Variants in UGT2B17 observed in about 807,000 individuals in gnomAD.
UGT2B17 encodes the protein UDP glucuronosyltransferase family 2 member B17.
In UGT2B17, 21 loss-of-function variants were observed where a neutral mutation model predicts 48.2. That is an observed-to-expected ratio of 0.44 (90% confidence interval 0.31 to 0.63). UGT2B17 has a LOEUF of 0.63. UGT2B17 is among the 20% of genes least tolerant of loss of function. UGT2B17 has a pLI of 0.08. For synonymous variants in UGT2B17, 146 were observed against 238.4 expected, an observed-to-expected ratio of 0.61 and a Z score of 3.57; for missense variants, 402 against 696.1, an observed-to-expected ratio of 0.58 and a Z score of 4.75.
rs1730671291 is a variant in UGT2B17 at position 68,542,159 on chromosome 4, T to C, written c.1314-4255A>G. On this transcript the variant is annotated intron_variant, in intron 6 of 6. Coordinates refer to ENST00000317746, the MANE Select transcript of UGT2B17 (RefSeq NM_001077.4). Reference sequence around the variant, plus strand: ...CCTAATTGCTTGTTTTTGTCAGGTTTGTCAAAGATCAGATGGTTGTAGATG... The same window carrying C: ...CCTAATTGCTTGTTTTTGTCAGGTTCGTCAAAGATCAGATGGTTGTAGATG... Among the ~76,000 whole-genome samples, 3 of 126,714 alleles carry C rather than the reference T, an allele frequency of 2.4e-5. 1 individual carries two copies. The Admixed American group carries it at 2.4e-4, about 10-fold the overall frequency. The allele number at this position is 126,714 out of a possible 152,430, so 83.1% of individuals were successfully genotyped here. A position where few individuals can be genotyped will look rare whatever the true frequency, so the allele number is the denominator to read the frequency against.
At position 68,575,992 on chromosome 4, in the gene UGT2B17, G is replaced by A. The variant is rs1284801550; in HGVS notation, c.-106C>T. ...AGACTCCAAGTGCCAGTTCCTTCCC[G>A]GTGTTCAGCCACTGTGTTAATCCTC... On this transcript the variant is annotated 5_prime_UTR_variant, in exon 1 of 7. Transcript: ENST00000317746. Among the ~76,000 whole-genome samples, 9 of 126,424 alleles carry A rather than the reference G, an allele frequency of 7.1e-5. 4 individuals are homozygous for A. The South Asian group carries it at 2.9e-3, about 40-fold the overall frequency. The allele number at this position is 126,424 out of a possible 152,430, so 82.9% of individuals were successfully genotyped here.
At chr4:68,550,434 A>G (rs1211991326) in intron 6 of UGT2B17, among the ~76,000 whole-genome samples, 1 of 125,608 alleles carries the variant, frequency 8.0e-6, no homozygotes, top group Non-Finnish European at 1.7e-5. Context: ...TAAAATAATT[A>G]TGTACATATC....
chr4:68,557,273 C>A (rs765396229), intron 4 of UGT2B17, among the ~76,000 whole-genome samples: 2 of 125,070 alleles, frequency 1.6e-5, no homozygotes, highest in Non-Finnish European at 3.4e-5. Context: ...CAATTGTTGT[C>A]TGACTTTGGT....
rs765607936 is a variant in UGT2B17 at position 68,553,424 on chromosome 4, T to A, written c.1006-1513A>T. Among the ~76,000 whole-genome samples the A allele has an allele frequency of 1.6e-4, 20 of 127,054 alleles. 4 individuals are homozygous for A. The highest frequency in any genetic ancestry group is 7.8e-3 in the Middle Eastern group (2 of 256). 83.4% of individuals were successfully genotyped at this position (127,054 alleles called of 152,430 possible). ...CCAAAAATCTAGAGAAGGCTTCTAATGATTTGAACTCTTTTAAAGAATTCA... is the reference window on the plus strand; with the variant it reads ...CCAAAAATCTAGAGAAGGCTTCTAAAGATTTGAACTCTTTTAAAGAATTCA... On this transcript the variant is annotated intron_variant, in intron 4 of 6. Transcript: ENST00000317746.
chr4:68,564,289 TATA>T, intron 3 of UGT2B17, among the ~76,000 whole-genome samples: 1 of 90,110 alleles, frequency 1.1e-5, no homozygotes, highest in African/African-American at 6.1e-5. Flanking sequence ...TATATATATA[TATA>T]TATTTTTTTT....
At position 68,541,749 on chromosome 4, in the gene UGT2B17, G is replaced by C. The variant is rs1328487900; in HGVS notation, c.1314-3845C>G. Among the ~76,000 whole-genome samples, 10 of 126,530 alleles carry C rather than the reference G, an allele frequency of 7.9e-5. 2 individuals carry two copies. The highest frequency in any genetic ancestry group is 3.2e-4 in the Admixed American group (4 of 12,370). The allele number at this position is 126,530 out of a possible 152,430, so 83.0% of individuals were successfully genotyped here. On this transcript the variant is annotated intron_variant, in intron 6 of 6. Transcript: ENST00000317746. ...CTATGTCCTGAATGATGTTGCTTAG[G>C]TTTTCTTCCAGGGTTTTTATGGTTT...
At chr4:68,553,048 T>C (rs1730944076) in intron 4 of UGT2B17, among the ~76,000 whole-genome samples, 1 of 125,430 alleles carries the variant, frequency 8.0e-6, no homozygotes, top group Non-Finnish European at 1.7e-5. Context: ...ATTGGGGTTT[T>C]GTCTTGGTTA....
rs113980992 is a variant in UGT2B17, at chr4:68,568,032, T to C, written c.453A>G (p.Ala151=). 1 of 1,382,862 alleles carries C rather than the reference T, an allele frequency of 7.2e-7. No individual in the cohort carries two copies. The highest frequency in any genetic ancestry group is 9.5e-7 in the Non-Finnish European group (1 of 1,055,578). The allele number at this position is 1,382,862 out of a possible 1,614,324, so 85.7% of individuals were successfully genotyped here. The change falls in exon 2 of 7, where the codon GCA becomes GCG. Residue 151 remains alanine, a synonymous_variant. Coordinates refer to ENST00000317746, the MANE Select transcript of UGT2B17 (RefSeq NM_001077.4). ...GCTCACCACAGGGATTAACGGCATCTGCCAGAAGGACATCAAATTTTGACT... is the reference window on the plus strand; with the variant it reads ...GCTCACCACAGGGATTAACGGCATCCGCCAGAAGGACATCAAATTTTGACT... The part of the protein sequence containing the change: ...LQESKFDVLL[A]DAVNPCGELL...
At position 68,543,563 on chromosome 4, in the gene UGT2B17, A is replaced by G. The variant is rs1424917214; in HGVS notation, c.1314-5659T>C. On this transcript the variant is annotated intron_variant, in intron 6 of 6. Transcript: ENST00000317746. ...AAAGAAATGCAGCTCCTCACCAGCAATGGAACAAAGCTGGATGGAGAATGA... is the reference window on the plus strand; with the variant it reads ...AAAGAAATGCAGCTCCTCACCAGCAGTGGAACAAAGCTGGATGGAGAATGA... 6.3e-5 allele frequency among the ~76,000 whole-genome samples: 8 copies of G among 126,312 alleles called. 1 individual carries two copies. Among genetic ancestry groups the G allele is most frequent in the African/African-American group, 2.2e-4 (8 of 36,944 alleles). 82.9% of individuals were successfully genotyped at this position (126,312 alleles called of 152,430 possible). A position where few individuals can be genotyped will look rare whatever the true frequency, so the allele number is the denominator to read the frequency against.
In UGT2B17 at chr4:68,561,421, G is replaced by A. The variant is rs1731100966; in HGVS notation, c.874-753C>T. ...ATAATACAGTATTATATACTATTTA[G>A]TTACATAATTAAGTGATCTTATTTC... On this transcript the variant is annotated intron_variant, in intron 3 of 6. Coordinates refer to ENST00000317746, the MANE Select transcript of UGT2B17 (RefSeq NM_001077.4). Among the ~76,000 whole-genome samples, 3 of 124,692 alleles carry A rather than the reference G, an allele frequency of 2.4e-5. 1 individual carries two copies. The highest frequency in any genetic ancestry group is 8.2e-5 in the African/African-American group (3 of 36,546). The allele number at this position is 124,692 out of a possible 152,430, so 81.8% of individuals were successfully genotyped here. A position where few individuals can be genotyped will look rare whatever the true frequency, so the allele number is the denominator to read the frequency against.
At chr4:68,551,331 G>T (rs1210610390) in intron 5 of UGT2B17, among the ~76,000 whole-genome samples, 1 of 123,930 alleles carries the variant, frequency 8.1e-6, no homozygotes. Flanking sequence ...TTTTTTAAAG[G>T]CAGCAAGGAG....
intron 1 of UGT2B17, among the ~76,000 whole-genome samples, chr4:68,571,404 C>A (rs1560583216): frequency 8.0e-6 from 1 of 125,038 alleles, no homozygotes. Context: ...CCGGTGGGGG[C>A]CGTCCAGTCC....
Position 68,542,751 on chromosome 4 carries a change from G to C in UGT2B17, c.1314-4847C>G, listed in dbSNP as rs533653737. On this transcript the variant is annotated intron_variant, in intron 6 of 6. Transcript: ENST00000317746. ...TGGGTTACTCCCACCCTAATACTGCGCTTTTCCAAAAGGTTTTAGCAAACG... is the reference window on the plus strand; with the variant it reads ...TGGGTTACTCCCACCCTAATACTGCCCTTTTCCAAAAGGTTTTAGCAAACG... Among the ~76,000 whole-genome samples the C allele has an allele frequency of 2.9e-4, 37 of 127,144 alleles. 12 individuals carry two copies. The South Asian group carries it at 9.8e-3, about 34-fold the overall frequency. 83.4% of individuals were successfully genotyped at this position (127,144 alleles called of 152,430 possible). A position where few individuals can be genotyped will look rare whatever the true frequency, so the allele number is the denominator to read the frequency against.
chr4:68,560,994 A>ATTCCAATAAC (rs1731092747), intron 3 of UGT2B17, among the ~76,000 whole-genome samples: 1 of 125,090 alleles, frequency 8.0e-6, no homozygotes, highest in Non-Finnish European at 1.7e-5. Flanking sequence ...TATTATAATT[A>ATTCCAATAAC]CTAACATAGG....
rs1731290821 is a variant in UGT2B17, at chr4:68,571,089, C to T, written c.-64-2541G>A. 1.6e-5 allele frequency among the ~76,000 whole-genome samples: 2 copies of T among 125,452 alleles called. 1 individual carries two copies. Among genetic ancestry groups the T allele is most frequent in the African/African-American group, 5.5e-5 (2 of 36,378 alleles). 82.3% of individuals were successfully genotyped at this position (125,452 alleles called of 152,430 possible). A position where few individuals can be genotyped will look rare whatever the true frequency, so the allele number is the denominator to read the frequency against. On this transcript the variant is annotated intron_variant, in intron 1 of 6. Coordinates refer to ENST00000317746, the MANE Select transcript of UGT2B17 (RefSeq NM_001077.4). ...GTTTTATTAGTAAAAATTTCTAAAA[C>T]AGCTTGTAACCATATGATTCGGTTG...
At position 68,565,553 on chromosome 4, in the gene UGT2B17, GA is replaced by G. The variant is rs763721310; in HGVS notation, c.873+18del. On this transcript the variant is annotated intron_variant, in intron 3 of 6. Transcript: ENST00000317746. ...TTCTGAAAATGTCAAGCAAACAAATGAAACAAGAATATGTTCACCTTAGGCA... is the reference window on the plus strand; with the variant it reads ...TTCTGAAAATGTCAAGCAAACAAATGAACAAGAATATGTTCACCTTAGGCA... 7.4e-7 allele frequency: 1 copy of G among 1,348,890 alleles called. No individual in the cohort carries two copies. The highest frequency in any genetic ancestry group is 1.5e-5 in the African/African-American group (1 of 66,206). 83.6% of individuals were successfully genotyped at this position (1,348,890 alleles called of 1,614,324 possible). A position where few individuals can be genotyped will look rare whatever the true frequency, so the allele number is the denominator to read the frequency against.
rs541480495 is a variant in UGT2B17, at chr4:68,546,472, T to C, written c.1313+4205A>G. 9.5e-5 allele frequency among the ~76,000 whole-genome samples: 12 copies of C among 126,276 alleles called. 3 individuals are homozygous for C. Among genetic ancestry groups the C allele is most frequent in the Non-Finnish European group, 1.2e-4 (7 of 59,578 alleles). 82.8% of individuals were successfully genotyped at this position (126,276 alleles called of 152,430 possible). On this transcript the variant is annotated intron_variant, in intron 6 of 6. Transcript: ENST00000317746. ...TGACAAACCCACAGCAAATATCATGTTGAATGGGCAAAAGGTGGAAGCATT... is the reference window on the plus strand; with the variant it reads ...TGACAAACCCACAGCAAATATCATGCTGAATGGGCAAAAGGTGGAAGCATT...
chr4:68,545,841 C>G lies in UGT2B17; in HGVS notation c.1313+4836G>C, dbSNP rs1193758745. On this transcript the variant is annotated intron_variant, in intron 6 of 6. Transcript: ENST00000317746. Reference sequence around the variant, plus strand: ...AAATCAAGAAGAAATGGATAAATTCCTCGACACACACACCCTCCCAAGACT... The same window carrying G: ...AAATCAAGAAGAAATGGATAAATTCGTCGACACACACACCCTCCCAAGACT... Among the ~76,000 whole-genome samples the G allele has an allele frequency of 1.6e-5, 2 of 125,532 alleles. 1 individual carries two copies. Among genetic ancestry groups the G allele is most frequent in the Non-Finnish European group, 3.4e-5 (2 of 59,340 alleles). 82.4% of individuals were successfully genotyped at this position (125,532 alleles called of 152,430 possible). A position where few individuals can be genotyped will look rare whatever the true frequency, so the allele number is the denominator to read the frequency against.
intron 6 of UGT2B17, among the ~76,000 whole-genome samples, chr4:68,547,306 C>T (rs1264224615): frequency 1.6e-5 from 2 of 125,470 alleles, no homozygotes; most frequent in Non-Finnish European, 3.4e-5. Flanking sequence ...ACAAACCTTA[C>T]AAAAACAAGA....
Sources: allele counts gnomAD v4.1 joint callset (sites outside exome capture counted in the v4.1 genomes callset), GRCh38; gene constraint gnomAD v4.1.1; transcripts MANE v1.5; gene names NCBI Gene and HGNC (gene_info 2026-07-23, HGNC 2026-07-21).